The following ELP5 variants were observed in gnomAD, a reference collection of about 807,000 sequenced individuals.
The protein encoded by ELP5 is elongator acetyltransferase complex subunit 5.
Under a neutral mutation model 33.4 loss-of-function variants are expected in ELP5, and 34 were observed. The observed-to-expected ratio is 1.02, with a 90% CI of 0.78 to 1.36. The LOEUF (loss-of-function observed/expected upper bound fraction) is 1.36, where lower values mean the gene tolerates loss of function less well. Ranked by LOEUF, ELP5 falls within the 40% of genes most tolerant of loss-of-function variation. The pLI is 0.00. For synonymous variants in ELP5, 161 were observed against 146.4 expected (o/e 1.10, Z -0.72); for missense variants, 373 against 371.7 (o/e 1.00, Z -0.03).
chr17:7,252,764 C>T lies in ELP5; in HGVS notation c.47-6C>T. The T allele has an allele frequency of 1.9e-6, 3 of 1,614,068 alleles. No individual in the cohort carries two copies. The highest frequency in any genetic ancestry group is 2.5e-6 in the Non-Finnish European group (3 of 1,179,986). The stretch of plus-strand genomic sequence containing the variant: ...TCATACCCTTTATCCGTCCCTCGCT[C>T]TGCAGATTCCGTGGAGTGGGAGGGG... On this transcript the variant is annotated splice_polypyrimidine_tract_variant and splice_region_variant and intron_variant, in intron 1 of 7. Transcript: ENST00000396628.
intron 7 of ELP5, 29 bp downstream of exon 7, chr17:7,258,955 C>A: frequency 6.2e-7 from 1 of 1,613,828 alleles, no homozygotes; most frequent in African/African-American, 1.3e-5. Context: ...TACGTGGATC[C>A]CTGAGTAGAT....
At chr17:7,258,464 A>AAAT in intron 5 of ELP5, 124 bp from the exon 6 acceptor site, 3 of 896,334 alleles carry the variant, frequency 3.3e-6, no homozygotes, top group Non-Finnish European at 5.1e-6. Flanking sequence ...AAAAAAAAAA[A>AAAT]GTTGAGGGCA....
At chr17:7,251,778 C>A, upstream of ELP5, 1 of 145,480 alleles carries the variant, frequency 6.9e-6, no homozygotes. Flanking sequence ...GCGCAAAGGG[C>A]CGCGGCAGCG....
At chr17:7,259,328 A>G in intron 7 of ELP5, 1 of 1,398,818 alleles carries the variant, frequency 7.1e-7, no homozygotes, top group Non-Finnish European at 9.3e-7. Flanking sequence ...GCAAGACTAC[A>G]AGATCCTTGC....
rs1469215766 is a variant in ELP5, at chr17:7,258,688, C to G, written c.687+5C>G. On this transcript the variant is annotated splice_donor_5th_base_variant and intron_variant, in intron 6 of 7. Coordinates refer to ENST00000396628, the MANE Select transcript of ELP5 (RefSeq NM_203414.3). ...TCCGATCCTCATATACCCCCGGTAT[C>G]TAAGAATGCCAAGGCCAGAACAAGG... 6.2e-7 allele frequency: 1 copy of G among 1,614,018 alleles called. No homozygotes were observed. The highest frequency in any genetic ancestry group is 8.5e-7 in the Non-Finnish European group (1 of 1,180,038).
At chr17:7,259,118 C>T in intron 7 of ELP5, 192 bp downstream of exon 7, 3 of 1,439,364 alleles carry the variant, frequency 2.1e-6, no homozygotes, top group Non-Finnish European at 2.7e-6. Flanking sequence ...CTTTTCTCTC[C>T]CTTATACCCT....
intron 3 of ELP5, 130 bp downstream of exon 3, chr17:7,253,128 A>G (rs2074219): frequency 0.65 from 558,234 of 857,564 alleles, 183,929 homozygotes; most frequent in African/African-American, 0.84. Context: ...TTGGATATGG[A>G]TCTTTCAGGA....
rs750859636 is a variant in ELP5, at chr17:7,257,030, A to G, written c.583A>G (p.Thr195Ala). ...GTGTCGGAGGCCCCGACAGCGCCCAACTGACCAGGTCAGAAGAACCAACAG... is the reference window on the plus strand; with the variant it reads ...GTGTCGGAGGCCCCGACAGCGCCCAGCTGACCAGGTCAGAAGAACCAACAG... Reference protein sequence around the residue: ...ILCRRPRQRPTDQTQWFSILP... With the variant: ...ILCRRPRQRPADQTQWFSILP... The change falls in exon 5 of 8, where the codon ACT becomes GCT. Residue 195 changes from threonine to alanine, a missense_variant. Physicochemically the swap from Thr to Ala is moderately conservative, Grantham distance 58. Coordinates refer to ENST00000396628, the MANE Select transcript of ELP5 (RefSeq NM_203414.3). The G allele has an allele frequency of 5.0e-6, 8 of 1,587,872 alleles. No homozygotes were observed. The highest frequency in any genetic ancestry group is 1.8e-4 in the Middle Eastern group (1 of 5,594).
Position 7,259,632 on chromosome 17 carries a change from G to C in ELP5, c.850G>C (p.Asp284His). The C allele has an allele frequency of 6.2e-7, 1 of 1,614,258 alleles. No homozygotes were observed. Among genetic ancestry groups the C allele is most frequent in the Non-Finnish European group, 8.5e-7 (1 of 1,180,044 alleles). The change falls in exon 8 of 8, where the codon GAT becomes CAT. Residue 284 changes from aspartate to histidine, a missense_variant. By Grantham distance (81) the Asp-to-His change is moderately conservative. Transcript: ENST00000396628. Reference protein sequence around the residue: ...QATSHIFYEPDAYDDLDQEDP... With the variant: ...QATSHIFYEPHAYDDLDQEDP... ...TACCAGCCACATCTTCTATGAGCCA[G>C]ATGCTTATGATGACCTGGACCAAGA...
intron 6 of ELP5, 31 bp downstream of exon 6, chr17:7,258,714 A>T (rs1436103689): frequency 6.2e-7 from 1 of 1,614,086 alleles, no homozygotes; most frequent in East Asian, 2.2e-5. Flanking sequence ...CAGAACAAGG[A>T]AATGTAGTTT....
intron 4 of ELP5, 27 bp downstream of exon 4, chr17:7,254,830 C>T: frequency 1.3e-6 from 2 of 1,581,970 alleles, no homozygotes; most frequent in East Asian, 4.5e-5. Context: ...ATTGTTTCCC[C>T]TCATACATCT....
At chr17:7,254,062 TCTG>T (rs2143000452) in intron 3 of ELP5, among the ~76,000 whole-genome samples, 1 of 151,360 alleles carries the variant, frequency 6.6e-6, no homozygotes, top group East Asian at 1.9e-4. Context: ...GAAAAAAAGT[TCTG>T]CTACCTATGC....
chr17:7,257,059 A>G, intron 5 of ELP5, 21 bp downstream of exon 5: 3 of 1,531,620 alleles, frequency 2.0e-6, no homozygotes, highest in Non-Finnish European at 2.6e-6. Flanking sequence ...CCAACAGAGA[A>G]GGACTGGAAA....
Position 7,257,054 on chromosome 17 carries a change from A to T in ELP5, c.591+16A>T, listed in dbSNP as rs1469429889. The T allele has an allele frequency of 1.3e-6, 2 of 1,537,872 alleles. No homozygotes were observed. The highest frequency in any genetic ancestry group is 2.4e-5 in the South Asian group (2 of 81,944). On this transcript the variant is annotated intron_variant, in intron 5 of 7. Transcript: ENST00000396628. The stretch of plus-strand genomic sequence containing the variant: ...AACTGACCAGGTCAGAAGAACCAAC[A>T]GAGAAGGACTGGAAACGGGGGACAG...
upstream of ELP5, chr17:7,252,190 C>T (rs62059171): frequency 7.8e-6 from 3 of 383,864 alleles, no homozygotes; most frequent in Admixed American, 8.6e-5. Flanking sequence ...CCGCCTCAAA[C>T]TGCGTGGGCG....
Position 7,258,611 on chromosome 17 carries a change from G to C in ELP5, c.615G>C (p.Pro205=), listed in dbSNP as rs751945814. Residue 205 remains proline, a synonymous_variant, in exon 6 of 8, where the codon CCG becomes CCC. Coordinates refer to ENST00000396628, the MANE Select transcript of ELP5 (RefSeq NM_203414.3). ...TDQTQWFSIL[P]DFSLDLQEGP... ...AGACTCAGTGGTTCTCCATCCTTCC[G>C]GACTTCAGCCTGGATCTCCAAGAGG... 6.2e-7 allele frequency: 1 copy of C among 1,613,902 alleles called. No individual in the cohort carries two copies. The highest frequency in any genetic ancestry group is 1.7e-5 in the Admixed American group (1 of 59,976).
chr17:7,253,070 C>T (rs1006126856), intron 3 of ELP5, 72 bp downstream of exon 3: 50 of 1,443,454 alleles, frequency 3.5e-5, no homozygotes, highest in Non-Finnish European at 4.6e-5. Context: ...TTACAACAAG[C>T]GCAGAACCTG....
intron 3 of ELP5, among the ~76,000 whole-genome samples, chr17:7,254,189 T>C (rs2072019579): frequency 6.6e-6 from 1 of 152,226 alleles, no homozygotes; most frequent in African/African-American, 2.4e-5. Context: ...CTGCTTTCTC[T>C]TTTTTCACCC....
rs915711194 is a variant in ELP5 at position 7,255,929 on chromosome 17, G to A, written c.410-928G>A. ...AAATTAGCTGGGTGTGGTGGTGCAC[G>A]CCTGTAATCCCAGCTACTCGGGAGG... On this transcript the variant is annotated intron_variant, in intron 4 of 7. Transcript: ENST00000396628. Among the ~76,000 whole-genome samples, 6 of 151,936 alleles carry A rather than the reference G, an allele frequency of 3.9e-5. No homozygotes were observed. In the South Asian group the frequency reaches 8.3e-4, roughly 21 times the overall value.
Sources: allele counts gnomAD v4.1 joint callset (sites outside exome capture counted in the v4.1 genomes callset), GRCh38; gene constraint gnomAD v4.1.1; transcripts MANE v1.5; gene names NCBI Gene and HGNC (gene_info 2026-07-23, HGNC 2026-07-21).